The following XKR9 variants were observed in gnomAD, a reference collection of about 807,000 sequenced individuals.
XKR9 encodes XK-related protein 9.
A neutral mutation model predicts 32.0 loss-of-function variants in XKR9; 32 were observed. The ratio of observed to expected loss-of-function variants is 1.00; its 90% CI spans 0.76 to 1.34. The LOEUF (loss-of-function observed/expected upper bound fraction) is 1.34. XKR9 is among the 40% of genes most tolerant of loss of function. The pLI is 0.00. For missense variants in XKR9, 546 were observed against 429.7 expected, an observed-to-expected ratio of 1.27 and a Z score of -2.39; for synonymous variants, 168 against 143.4, an observed-to-expected ratio of 1.17 and a Z score of -1.22.
intron 3 of XKR9, among the ~76,000 whole-genome samples, chr8:70,698,062 G>C (rs1273338493): frequency 6.6e-6 from 1 of 151,918 alleles, no homozygotes; most frequent in Admixed American, 6.6e-5. Flanking sequence ...TCGTCTATTT[G>C]ATTCTTCTCT....
chr8:70,848,413 A>T, the XKR9 span, among the ~76,000 whole-genome samples: 1 of 151,846 alleles, frequency 6.6e-6, no homozygotes, highest in Non-Finnish European at 1.5e-5. Flanking sequence ...CACCACTTTC[A>T]TTTAACATAA....
chr8:70,768,880 C>A (rs1309357048), intron 2 of XKR9, among the ~76,000 whole-genome samples: 1 of 151,912 alleles, frequency 6.6e-6, no homozygotes, highest in South Asian at 2.1e-4. Context: ...TTGACTCTAT[C>A]CATTTTGCCA....
chr8:70,850,479 A>G, the XKR9 span, among the ~76,000 whole-genome samples: 52 of 140,868 alleles, frequency 3.7e-4, no homozygotes, highest in Non-Finnish European at 4.5e-4. Context: ...AAAAAAAAAA[A>G]AAAAAGAAAG....
chr8:70,916,627 C>T, the XKR9 span, among the ~76,000 whole-genome samples: 1 of 152,212 alleles, frequency 6.6e-6, no homozygotes, highest in Non-Finnish European at 1.5e-5. Context: ...GCTTCTTATT[C>T]TTGATCCTTG....
At chr8:70,682,027 A>G (rs2132113023) in intron 3 of XKR9, among the ~76,000 whole-genome samples, 1 of 152,270 alleles carries the variant, frequency 6.6e-6, no homozygotes, top group Non-Finnish European at 1.5e-5. Flanking sequence ...GGAGACTTAT[A>G]GTTTTCAAAG....
chr8:70,950,244 T>C, the XKR9 span, among the ~76,000 whole-genome samples: 1 of 152,172 alleles, frequency 6.6e-6, no homozygotes, highest in African/African-American at 2.4e-5. Flanking sequence ...AATCGAATTT[T>C]ACACAGTTGT....
the XKR9 span, among the ~76,000 whole-genome samples, chr8:71,049,239 A>G: frequency 7.9e-5 from 12 of 152,296 alleles, no homozygotes; most frequent in African/African-American, 2.9e-4. Flanking sequence ...ATAACATTGT[A>G]CTTGATTTGA....
At chr8:70,760,422 T>C (rs538763195) in intron 2 of XKR9, among the ~76,000 whole-genome samples, 3 of 152,228 alleles carry the variant, frequency 2.0e-5, no homozygotes, top group African/African-American at 4.8e-5. Context: ...GAGTGAATTA[T>C]TACACAGCAG....
At chr8:70,992,954 T>A in the XKR9 span, among the ~76,000 whole-genome samples, 2 of 152,244 alleles carry the variant, frequency 1.3e-5, no homozygotes, top group Non-Finnish European at 1.5e-5. Context: ...CCTTCTAGAC[T>A]TGGATAACTC....
the XKR9 span, among the ~76,000 whole-genome samples, chr8:70,910,701 C>G: frequency 6.6e-6 from 1 of 152,288 alleles, no homozygotes. Flanking sequence ...TCTCACTGTT[C>G]TACAAGTTAG....
chr8:70,760,022 G>T (rs1391201896), intron 2 of XKR9, among the ~76,000 whole-genome samples: 1 of 152,048 alleles, frequency 6.6e-6, no homozygotes, highest in Non-Finnish European at 1.5e-5. Context: ...TTATATTTTT[G>T]TTTTCAAATA....
the XKR9 span, among the ~76,000 whole-genome samples, chr8:71,010,263 G>A: frequency 6.6e-6 from 1 of 152,202 alleles, no homozygotes; most frequent in African/African-American, 2.4e-5. Flanking sequence ...AAGGCCAAGG[G>A]AAGCTACTCC....
the XKR9 span, among the ~76,000 whole-genome samples, chr8:70,813,385 G>T: frequency 6.6e-6 from 1 of 152,070 alleles, no homozygotes; most frequent in Admixed American, 6.5e-5. Flanking sequence ...GCATGCGCAA[G>T]GTCTTCATGA....
At chr8:70,701,329 G>T (rs1805527163) in intron 3 of XKR9, among the ~76,000 whole-genome samples, 2 of 152,118 alleles carry the variant, frequency 1.3e-5, no homozygotes, top group South Asian at 4.1e-4. Context: ...GTCCATCTTG[G>T]CTGCCACCTC....
At chr8:70,813,366 A>G in the XKR9 span, among the ~76,000 whole-genome samples, 4 of 152,354 alleles carry the variant, frequency 2.6e-5, no homozygotes, top group South Asian at 2.1e-4. Context: ...ATTACCATTC[A>G]GGACATAGGC....
the XKR9 span, among the ~76,000 whole-genome samples, chr8:70,998,022 C>T: frequency 4.6e-5 from 7 of 152,100 alleles, no homozygotes; most frequent in Admixed American, 3.3e-4. Flanking sequence ...GAAGAGCCAA[C>T]GTGATTCATA....
At chr8:71,028,374 G>T in the XKR9 span, among the ~76,000 whole-genome samples, 1 of 152,026 alleles carries the variant, frequency 6.6e-6, no homozygotes, top group East Asian at 1.9e-4. Flanking sequence ...TTTGTTATTA[G>T]TGTAAAGAAA....
the XKR9 span, among the ~76,000 whole-genome samples, chr8:70,853,365 T>C: frequency 1.3e-5 from 2 of 152,122 alleles, no homozygotes; most frequent in South Asian, 2.1e-4. Context: ...TTCCATGATA[T>C]TATTACATTA....
At chr8:70,931,982 G>A in the XKR9 span, among the ~76,000 whole-genome samples, 1 of 152,098 alleles carries the variant, frequency 6.6e-6, no homozygotes, top group African/African-American at 2.4e-5. Context: ...CAGGTAGGTA[G>A]GTAGGTAGTG....
Sources: gnomAD v4.1 joint callset for allele counts (sites outside exome capture counted in the v4.1 genomes callset) on GRCh38, gnomAD v4.1.1 for gene constraint, MANE v1.5 for transcripts, NCBI Gene and HGNC (gene_info 2026-07-23, HGNC 2026-07-21) for gene names.